Variants in KCNK13 observed in about 807,000 individuals in gnomAD.
The protein encoded by KCNK13 is potassium two pore domain channel subfamily K member 13.
Under a neutral mutation model 23.4 loss-of-function variants are expected in KCNK13, and 12 were observed. The observed-to-expected ratio is 0.51, with a 90% CI of 0.33 to 0.83. KCNK13 has a LOEUF of 0.83. KCNK13 is among the 40% of genes least tolerant of loss of function. KCNK13 has a pLI of 0.02. For missense variants in KCNK13, 463 were observed against 556.3 expected (o/e 0.83, Z 1.69); for synonymous variants, 231 against 229.5 (o/e 1.01, Z -0.06).
intron 1 of KCNK13, among the ~76,000 whole-genome samples, chr14:90,098,862 G>A (rs900875156): frequency 1.3e-5 from 2 of 152,138 alleles, no homozygotes; most frequent in African/African-American, 4.8e-5. Flanking sequence ...GGTGGATCAT[G>A]AGATCAGGAG....
chr14:90,072,091 C>A (rs1286923), intron 1 of KCNK13, among the ~76,000 whole-genome samples: 94,776 of 151,890 alleles, frequency 0.62, 30,057 homozygotes, highest in African/African-American at 0.74. Flanking sequence ...CTGTCACAAC[C>A]CGGCCCTCCC....
Position 90,105,193 on chromosome 14 carries a change from T to C in KCNK13, c.334+42654T>C, listed in dbSNP as rs1356242098. On this transcript the variant is annotated intron_variant, in intron 1 of 1. Transcript: ENST00000282146. ...CCAAGGCATTCAGCAGCACCGTGTC[T>C]CTCATTCACGCTGGTCTCCTGTCTC... Among the ~76,000 whole-genome samples the C allele has an allele frequency of 2.0e-5, 3 of 152,126 alleles. No individual in the cohort carries two copies. In the East Asian group the frequency reaches 5.8e-4, roughly 29 times the overall value.
At chr14:90,126,249 C>T (rs757953265) in intron 1 of KCNK13, among the ~76,000 whole-genome samples, 15 of 152,068 alleles carry the variant, frequency 9.9e-5, no homozygotes, top group Non-Finnish European at 1.8e-4. Flanking sequence ...GGGCCATGAA[C>T]TCCCCACTCC....
chr14:90,154,991 A>G (rs2140435474), intron 1 of KCNK13, among the ~76,000 whole-genome samples: 1 of 152,366 alleles, frequency 6.6e-6, no homozygotes, highest in Non-Finnish European at 1.5e-5. Flanking sequence ...AGTGAACAAG[A>G]CAGACAAAAA....
chr14:90,084,121 T>G (rs1483940555), intron 1 of KCNK13, among the ~76,000 whole-genome samples: 4 of 151,938 alleles, frequency 2.6e-5, no homozygotes, highest in African/African-American at 9.6e-5. Flanking sequence ...ATGTTGTTGG[T>G]TTTTTTTCCC....
intron 1 of KCNK13, among the ~76,000 whole-genome samples, chr14:90,125,599 GCACACACACACACACACACACACACA>G (rs35452662): frequency 1.5e-5 from 1 of 64,586 alleles, no homozygotes; most frequent in Non-Finnish European, 3.2e-5. Flanking sequence ...ACACACACAC[GCACACACACACACACACACACACACA>G]CGCGCACACA....
At chr14:90,131,838 T>C (rs904049019) in intron 1 of KCNK13, among the ~76,000 whole-genome samples, 1 of 152,220 alleles carries the variant, frequency 6.6e-6, no homozygotes, top group African/African-American at 2.4e-5. Flanking sequence ...CTTGTGGGAA[T>C]GTAAAATGGT....
intron 1 of KCNK13, among the ~76,000 whole-genome samples, chr14:90,147,818 C>G (rs986364647): frequency 2.6e-5 from 4 of 152,128 alleles, no homozygotes; most frequent in African/African-American, 9.7e-5. Context: ...GCCTCACTGA[C>G]TGCATAGGTC....
intron 1 of KCNK13, among the ~76,000 whole-genome samples, chr14:90,175,566 T>A (rs1890413732): frequency 2.0e-5 from 3 of 152,146 alleles, no homozygotes; most frequent in African/African-American, 7.2e-5. Flanking sequence ...CCCTCACACC[T>A]AATTTTCAAT....
intron 1 of KCNK13, among the ~76,000 whole-genome samples, chr14:90,161,298 C>T (rs1285777748): frequency 2.6e-5 from 4 of 152,056 alleles, no homozygotes; most frequent in Admixed American, 2.0e-4. Context: ...CGCAGTGGGG[C>T]GAGGGAACAG....
intron 1 of KCNK13, among the ~76,000 whole-genome samples, chr14:90,117,081 C>A (rs1889685575): frequency 6.6e-6 from 1 of 152,148 alleles, no homozygotes. Context: ...CAATAGCCAG[C>A]ATCACTACTG....
chr14:90,151,980 T>A (rs1315643182), intron 1 of KCNK13, among the ~76,000 whole-genome samples: 1 of 152,224 alleles, frequency 6.6e-6, no homozygotes, highest in Admixed American at 6.5e-5. Context: ...CATTGGCCTA[T>A]ATATCTGTTT....
intron 1 of KCNK13, among the ~76,000 whole-genome samples, chr14:90,105,653 T>G (rs74832776): frequency 0.016 from 2,250 of 144,712 alleles, 66 homozygotes; most frequent in East Asian, 0.096. Flanking sequence ...AAGGAAGTTG[T>G]TTTTTTTTTT....
In KCNK13 at chr14:90,123,284, G is replaced by A. The variant is rs144813427; in HGVS notation, c.334+60745G>A. On this transcript the variant is annotated intron_variant, in intron 1 of 1. Coordinates refer to ENST00000282146, the MANE Select transcript of KCNK13 (RefSeq NM_022054.4). ...ACAGTTCTGAAGGCTGGAAGTTTGA[G>A]ATCAAGGTATCAGCAGGATTGGTCT... 2.1e-3 allele frequency among the ~76,000 whole-genome samples: 322 copies of A among 152,320 alleles called. 4 individuals carry two copies. Among genetic ancestry groups the A allele is most frequent in the African/African-American group, 7.2e-3 (298 of 41,586 alleles).
rs138648570 is a variant in KCNK13 at position 90,144,360 on chromosome 14, AG to A, written c.335-39750del. Reference sequence around the variant, plus strand: ...TTTTTATTGTCCATCGCTAATAGATAGAAATAGAATTATTATATTTTGTGTC... The same window carrying A: ...TTTTTATTGTCCATCGCTAATAGATAAAATAGAATTATTATATTTTGTGTC... On this transcript the variant is annotated intron_variant, in intron 1 of 1. Coordinates refer to ENST00000282146, the MANE Select transcript of KCNK13 (RefSeq NM_022054.4). Among the ~76,000 whole-genome samples the A allele has an allele frequency of 4.3e-3, 655 of 152,258 alleles. 4 individuals carry two copies. Among genetic ancestry groups the A allele is most frequent in the African/African-American group, 0.015 (627 of 41,556 alleles).
At position 90,090,145 on chromosome 14, in the gene KCNK13, C is replaced by T. The variant is rs150355684; in HGVS notation, c.334+27606C>T. The stretch of plus-strand genomic sequence containing the variant: ...ACCCCAGAATGGTCAATCCACCGAC[C>T]GCTTGCACCATGTGCCTGGAAAAGC... On this transcript the variant is annotated intron_variant, in intron 1 of 1. Transcript: ENST00000282146. Among the ~76,000 whole-genome samples the T allele has an allele frequency of 2.6e-5, 4 of 152,350 alleles. No homozygotes were observed. In the East Asian group the frequency reaches 5.8e-4, roughly 22 times the overall value.
intron 1 of KCNK13, among the ~76,000 whole-genome samples, chr14:90,092,613 G>A (rs928819473): frequency 6.6e-6 from 1 of 152,108 alleles, no homozygotes; most frequent in Non-Finnish European, 1.5e-5. Flanking sequence ...AGAATTGAGT[G>A]TTTTCATTTC....
chr14:90,125,747 G>A (rs1204077325), intron 1 of KCNK13, among the ~76,000 whole-genome samples: 1 of 152,066 alleles, frequency 6.6e-6, no homozygotes, highest in Non-Finnish European at 1.5e-5. Context: ...GTTGGGTCAG[G>A]CACAGGAGTT....
intron 1 of KCNK13, among the ~76,000 whole-genome samples, chr14:90,119,862 A>G (rs1596786314): frequency 6.6e-6 from 1 of 152,306 alleles, no homozygotes; most frequent in East Asian, 1.9e-4. Flanking sequence ...GGCATCGCAG[A>G]GTGCTGGAAT....
Sources: allele counts gnomAD v4.1 joint callset (sites outside exome capture counted in the v4.1 genomes callset), GRCh38; gene constraint gnomAD v4.1.1; transcripts MANE v1.5; gene names NCBI Gene and HGNC (gene_info 2026-07-23, HGNC 2026-07-21).